ENO1: variants seen among roughly 807,000 people sequenced by gnomAD.
ENO1 encodes the protein enolase 1, also known as alpha-enolase.
Under a neutral mutation model 46.3 loss-of-function variants are expected in ENO1, and 33 were observed. The observed-to-expected ratio is 0.71, with a 90% confidence interval of 0.54 to 0.95. The LOEUF (loss-of-function observed/expected upper bound fraction) is 0.95, where lower values mean the gene tolerates loss of function less well. ENO1 is among the 40% of genes least tolerant of loss of function. The pLI is 0.00. For synonymous variants in ENO1, 220 were observed against 216.0 expected, an observed-to-expected ratio of 1.02 and a Z score of -0.16; for missense variants, 488 against 553.3, an observed-to-expected ratio of 0.88 and a Z score of 1.18.
rs773366318 is a variant in ENO1 at position 8,862,957 on chromosome 1, G to T, written c.1177-12C>A. The T allele has an allele frequency of 1.9e-6, 3 of 1,613,998 alleles. No individual in the cohort carries two copies. Among genetic ancestry groups the T allele is most frequent in the Non-Finnish European group, 2.5e-6 (3 of 1,179,858 alleles). ...GCACCAGTCTTGATCTAGGAGAAAA[G>T]AAAGGCCATTTGCTTACAGCGGACA... is the stretch of plus-strand genomic sequence containing the variant. On this transcript the variant is annotated splice_polypyrimidine_tract_variant and intron_variant, in intron 10 of 11. Coordinates refer to ENST00000234590, the MANE Select transcript of ENO1 (RefSeq NM_001428.5).
At chr1:8,867,051 TC>T (rs1016631215) in intron 6 of ENO1, 65 bp downstream of exon 6, 6 of 1,582,018 alleles carry the variant, frequency 3.8e-6, no homozygotes, top group Non-Finnish European at 4.3e-6. Context: ...ATAGGAGGTC[TC>T]GGGTCCCCAA....
intron 4 of ENO1, 176 bp downstream of exon 4, chr1:8,870,276 T>G: frequency 1.4e-6 from 1 of 705,398 alleles, no homozygotes; most frequent in Non-Finnish European, 2.3e-6. Flanking sequence ...AAAAGTGGGG[T>G]GAGGCAGCGG....
intron 8 of ENO1, 102 bp downstream of exon 8, chr1:8,865,183 C>T: frequency 7.0e-7 from 1 of 1,425,514 alleles, no homozygotes. Context: ...GACACTCCCT[C>T]CCCATCCCCT....
Position 8,865,495 on chromosome 1 carries a change from G to A in ENO1, c.668-13C>T, listed in dbSNP as rs1406737765. On this transcript the variant is annotated splice_polypyrimidine_tract_variant and intron_variant, in intron 7 of 11. Transcript: ENST00000234590. Reference sequence around the variant, plus strand: ...AGCAGCTCCAGGCCTGGGAAGAGATGGTGACAACAGGTTTGGAAAACAGGT... The same window carrying A: ...AGCAGCTCCAGGCCTGGGAAGAGATAGTGACAACAGGTTTGGAAAACAGGT... The A allele has an allele frequency of 1.2e-6, 2 of 1,611,926 alleles. No homozygotes were observed. The highest frequency in any genetic ancestry group is 1.7e-6 in the Non-Finnish European group (2 of 1,179,852).
intron 8 of ENO1, 50 bp downstream of exon 8, chr1:8,865,235 T>G: frequency 6.2e-7 from 1 of 1,602,120 alleles, no homozygotes; most frequent in African/African-American, 1.3e-5. Flanking sequence ...CCAGCTGCCC[T>G]GCTGCAGGTC....
rs963291987 is a variant in ENO1, at chr1:8,863,488, C to T, written c.1068-145G>A. 7 of 794,414 alleles carry T rather than the reference C, an allele frequency of 8.8e-6. No individual in the cohort carries two copies. The African/African-American group carries it at 1.0e-4, about 12-fold the overall frequency. 49.2% of individuals were successfully genotyped at this position (794,414 alleles called of 1,614,324 possible). ...CTCCATGCCTGGGCTTTGTCAAGAG[C>T]ACAGAGGAGAACCCTCACCCTCCCC... On this transcript the variant is annotated intron_variant, in intron 9 of 11. Transcript: ENST00000234590.
At chr1:8,869,585 A>T (rs962781834) in intron 4 of ENO1, among the ~76,000 whole-genome samples, 1 of 151,986 alleles carries the variant, frequency 6.6e-6, no homozygotes, top group Non-Finnish European at 1.5e-5. Flanking sequence ...TTTGAGACAG[A>T]GTCTCACTCT....
At position 8,862,554 on chromosome 1, in the gene ENO1, G is replaced by C. The variant is rs967754869; in HGVS notation, c.1235+333C>G. Among the ~76,000 whole-genome samples the C allele has an allele frequency of 5.3e-5, 8 of 152,168 alleles. 1 individual carries two copies. Among genetic ancestry groups the C allele is most frequent in the African/African-American group, 1.9e-4 (8 of 41,432 alleles). On this transcript the variant is annotated intron_variant, in intron 11 of 11. Transcript: ENST00000234590. ...ACATCCACAAACAGGGGTTAAATGC[G>C]CTGAAACAGATCATATGAAGGAGCT...
At chr1:8,861,622 A>G (rs923075254) in intron 11 of ENO1, among the ~76,000 whole-genome samples, 193 bp from the exon 12 acceptor site, 1 of 152,104 alleles carries the variant, frequency 6.6e-6, no homozygotes, top group Non-Finnish European at 1.5e-5. Context: ...CAGATATAGA[A>G]AAGTATTTAG....
chr1:8,871,558 G>A (rs1457159317), intron 3 of ENO1: 17 of 1,077,024 alleles, frequency 1.6e-5, no homozygotes, highest in Non-Finnish European at 1.8e-5. Context: ...CTGGGAGATG[G>A]GGAAACTTTT....
chr1:8,861,222 A>T lies in ENO1; in HGVS notation c.*138T>A. 1.2e-6 allele frequency: 1 copy of T among 817,840 alleles called. No homozygotes were observed. The highest frequency in any genetic ancestry group is 1.9e-6 in the Non-Finnish European group (1 of 516,020). The allele number at this position is 817,840 out of a possible 1,614,324, so 50.7% of individuals were successfully genotyped here. A position where few individuals can be genotyped will look rare whatever the true frequency, so the allele number is the denominator to read the frequency against. ...TCTGTAGAAGTTCTAAGGAAGCGGT[A>T]CGAACTCCACGGCGGTGGGGCGCTA... On this transcript the variant is annotated 3_prime_UTR_variant, in exon 12 of 12. Transcript: ENST00000234590.
intron 1 of ENO1, among the ~76,000 whole-genome samples, chr1:8,876,844 A>ATT (rs150798497): frequency 6.1e-4 from 91 of 149,172 alleles, no homozygotes; most frequent in Non-Finnish European, 9.2e-4. Flanking sequence ...ATAAAGTGTG[A>ATT]TTTTTTTTTT....
intron 8 of ENO1, among the ~76,000 whole-genome samples, 181 bp from the exon 9 acceptor site, chr1:8,864,273 AG>A (rs1642466587): frequency 1.3e-5 from 2 of 152,150 alleles, no homozygotes; most frequent in African/African-American, 4.8e-5. Flanking sequence ...CTCCTGCAGC[AG>A]GGGACAAAAG....
Position 8,861,232 on chromosome 1 carries a change from C to A in ENO1, c.*128G>T. The stretch of plus-strand genomic sequence containing the variant: ...TTCTAAGGAAGCGGTACGAACTCCA[C>A]GGCGGTGGGGCGCTAACTAGCAGGG... On this transcript the variant is annotated 3_prime_UTR_variant, in exon 12 of 12. Coordinates refer to ENST00000234590, the MANE Select transcript of ENO1 (RefSeq NM_001428.5). The A allele has an allele frequency of 2.2e-6, 2 of 928,168 alleles. No individual in the cohort carries two copies. Among genetic ancestry groups the A allele is most frequent in the Admixed American group, 2.3e-5 (1 of 43,964 alleles). 57.5% of individuals were successfully genotyped at this position (928,168 alleles called of 1,614,324 possible). A position where few individuals can be genotyped will look rare whatever the true frequency, so the allele number is the denominator to read the frequency against.
At chr1:8,874,409 C>G (rs896862492) in intron 2 of ENO1, among the ~76,000 whole-genome samples, 1 of 151,720 alleles carries the variant, frequency 6.6e-6, no homozygotes, top group Non-Finnish European at 1.5e-5. Context: ...AAACCCCCGT[C>G]TCTCCCAAAA....
intron 3 of ENO1, chr1:8,871,241 G>A: frequency 9.8e-7 from 1 of 1,020,516 alleles, no homozygotes; most frequent in Non-Finnish European, 1.2e-6. Context: ...CCTCCCTGCA[G>A]CCTTTTTGGA....
At position 8,861,344 on chromosome 1, in the gene ENO1, C is replaced by T; in HGVS notation, c.*16G>A. 1.2e-6 allele frequency: 2 copies of T among 1,613,364 alleles called. No homozygotes were observed. The highest frequency in any genetic ancestry group is 1.1e-5 in the South Asian group (1 of 91,042). ...GTGTAGCCAACAGGTGACCGAAGGG[C>T]TTGCCTGCCCACAGCTTACTTGGCC... On this transcript the variant is annotated 3_prime_UTR_variant, in exon 12 of 12. Coordinates refer to ENST00000234590, the MANE Select transcript of ENO1 (RefSeq NM_001428.5).
rs1410465996 is a variant in ENO1, at chr1:8,878,678, A to G, written c.-108T>C. On this transcript the variant is annotated 5_prime_UTR_variant, in exon 1 of 12. Coordinates refer to ENST00000234590, the MANE Select transcript of ENO1 (RefSeq NM_001428.5). ...CGAGATCTCCGTGCTCCGGGTACCCACAGATACTGTCCGCGCCGCCCGCGC... is the reference window on the plus strand; with the variant it reads ...CGAGATCTCCGTGCTCCGGGTACCCGCAGATACTGTCCGCGCCGCCCGCGC... 4.4e-6 allele frequency: 2 copies of G among 455,876 alleles called. No homozygotes were observed. Among genetic ancestry groups the G allele is most frequent in the African/African-American group, 2.0e-5 (1 of 50,050 alleles). The allele number at this position is 455,876 out of a possible 1,614,324, so 28.2% of individuals were successfully genotyped here.
In ENO1 at chr1:8,878,656, G is replaced by C. The variant is rs1437695187; in HGVS notation, c.-86C>G. On this transcript the variant is annotated 5_prime_UTR_variant, in exon 1 of 12. It adds an upstream start codon to the 5' untranslated region. Coordinates refer to ENST00000234590, the MANE Select transcript of ENO1 (RefSeq NM_001428.5). ...ACCGAGGTGAACGTAAAGCCGGCGA[G>C]ATCTCCGTGCTCCGGGTACCCACAG... is the stretch of plus-strand genomic sequence containing the variant. The C allele has an allele frequency of 2.2e-6, 1 of 455,980 alleles. No homozygotes were observed. The highest frequency in any genetic ancestry group is 4.4e-6 in the Non-Finnish European group (1 of 226,804). The allele number at this position is 455,980 out of a possible 1,614,324, so 28.2% of individuals were successfully genotyped here. A position where few individuals can be genotyped will look rare whatever the true frequency, so the allele number is the denominator to read the frequency against.
Sources: allele counts gnomAD v4.1 joint callset (sites outside exome capture counted in the v4.1 genomes callset), GRCh38; gene constraint gnomAD v4.1.1; transcripts MANE v1.5; gene names NCBI Gene and HGNC (gene_info 2026-07-23, HGNC 2026-07-21).